The following DNAH8 variants were observed in gnomAD, a reference collection of about 807,000 sequenced individuals.
The protein encoded by DNAH8 is axonemal beta dynein heavy chain 8.
Under a neutral mutation model 562.1 loss-of-function variants are expected in DNAH8, and 382 were observed. The ratio of observed to expected loss-of-function variants is 0.68; its 90% CI spans 0.63 to 0.74. The LOEUF is 0.74. Ranked by LOEUF, DNAH8 falls within the 30% of genes least tolerant of loss-of-function variation. The pLI is 0.00. For missense variants in DNAH8, 5,203 were observed against 5,620.4 expected (o/e 0.93, Z 2.37); for synonymous variants, 1,881 against 1,919.4 (o/e 0.98, Z 0.52).
rs376739633 is a variant in DNAH8 at position 38,859,781 on chromosome 6, T to C, written c.5959-676T>C. Among the ~76,000 whole-genome samples, 11 of 152,346 alleles carry C rather than the reference T, an allele frequency of 7.2e-5. No individual in the cohort carries two copies. The East Asian group carries it at 1.2e-3, about 16-fold the overall frequency. On this transcript the variant is annotated intron_variant, in intron 42 of 92. Transcript: ENST00000327475. Reference sequence around the variant, plus strand: ...TTGTATATGCTGATGACTAGGCAGATTGAGTGGCTTGGCTATAGTGCTGGT... The same window carrying C: ...TTGTATATGCTGATGACTAGGCAGACTGAGTGGCTTGGCTATAGTGCTGGT...
At chr6:38,945,337 A>G in intron 79 of DNAH8, 130 bp from the exon 80 acceptor site, 1 of 970,104 alleles carries the variant, frequency 1.0e-6, no homozygotes. Flanking sequence ...CATTTTCTGT[A>G]ATATTATTAT....
intron 79 of DNAH8, among the ~76,000 whole-genome samples, chr6:38,941,076 T>C (rs1480066945): frequency 1.3e-5 from 2 of 150,852 alleles, no homozygotes; most frequent in Non-Finnish European, 2.9e-5. Context: ...GCAGAGATCA[T>C]GCCACTGCAC....
chr6:38,726,851 G>GTTTTTTTTTTTTTTTTTTTTTTTTT, intron 3 of DNAH8, among the ~76,000 whole-genome samples: 1 of 63,264 alleles, frequency 1.6e-5, no homozygotes, highest in Non-Finnish European at 2.9e-5. Flanking sequence ...GTATTCTTTA[G>GTTTTTTTTTTTTTTTTTTTTTTTTT]TTTTTTTTTT....
At chr6:38,892,157 G>A (rs1779380177) in intron 58 of DNAH8, among the ~76,000 whole-genome samples, 1 of 151,958 alleles carries the variant, frequency 6.6e-6, no homozygotes, top group Admixed American at 6.6e-5. Flanking sequence ...ACACTGAAAT[G>A]CACCTGGTCT....
intron 77 of DNAH8, 35 bp from the exon 78 acceptor site, chr6:38,937,939 C>T: frequency 6.2e-7 from 1 of 1,602,530 alleles, no homozygotes; most frequent in Non-Finnish European, 8.5e-7. Flanking sequence ...AGTTTCCCGT[C>T]TTGTGTACTA....
At chr6:38,738,342 T>C (rs191315006) in intron 7 of DNAH8, among the ~76,000 whole-genome samples, 4 of 152,238 alleles carry the variant, frequency 2.6e-5, no homozygotes, top group Admixed American at 2.0e-4. Flanking sequence ...AATAAGTACC[T>C]CTTGTTCGAT....
At chr6:38,899,995 T>C (rs1033770187) in intron 62 of DNAH8, 89 bp downstream of exon 62, 2 of 1,179,134 alleles carry the variant, frequency 1.7e-6, no homozygotes, top group African/African-American at 3.2e-5. Flanking sequence ...AACAGTTTCC[T>C]GTATTTCTTT....
intron 33 of DNAH8, among the ~76,000 whole-genome samples, chr6:38,838,623 TCTC>T (rs1774509582): frequency 6.7e-6 from 1 of 150,098 alleles, no homozygotes; most frequent in African/African-American, 2.5e-5. Context: ...ATGGTCTCGA[TCTC>T]CTGACCTCGT....
In DNAH8 at chr6:38,785,860, C is replaced by A. The variant is rs578047931; in HGVS notation, c.2396-905C>A. 2.0e-5 allele frequency among the ~76,000 whole-genome samples: 3 copies of A among 152,322 alleles called. No individual in the cohort carries two copies. In the South Asian group the frequency reaches 6.2e-4, roughly 32 times the overall value. ...TGCATCATTAAGGGCCATATCAAGA[C>A]TAATTTTATCTGATGAGTAAAAGTC... On this transcript the variant is annotated intron_variant, in intron 17 of 92. Transcript: ENST00000327475.
chr6:38,888,786 C>T (rs145532187), intron 57 of DNAH8, among the ~76,000 whole-genome samples: 30 of 152,304 alleles, frequency 2.0e-4, no homozygotes, highest in African/African-American at 7.0e-4. Context: ...GCCTGCTGGC[C>T]GTAGTGTCAG....
intron 38 of DNAH8, among the ~76,000 whole-genome samples, chr6:38,850,740 C>A (rs1388106152): frequency 6.6e-6 from 1 of 152,188 alleles, no homozygotes; most frequent in Admixed American, 6.5e-5. Flanking sequence ...AAGAGAGGAT[C>A]CTCCCTTGCC....
chr6:38,739,629 A>T (rs1270453661), intron 7 of DNAH8, among the ~76,000 whole-genome samples: 2 of 152,174 alleles, frequency 1.3e-5, no homozygotes, highest in Non-Finnish European at 1.5e-5. Context: ...GAACGCAGTG[A>T]GACCCAGCCT....
intron 62 of DNAH8, among the ~76,000 whole-genome samples, chr6:38,904,520 C>T (rs978535297): frequency 2.0e-5 from 3 of 151,958 alleles, no homozygotes; most frequent in African/African-American, 4.8e-5. Context: ...GCCGGGCGCC[C>T]TGGCTCACGC....
intron 82 of DNAH8, among the ~76,000 whole-genome samples, chr6:38,968,491 A>G (rs928752500): frequency 6.6e-6 from 1 of 152,212 alleles, no homozygotes; most frequent in Non-Finnish European, 1.5e-5. Context: ...GGATATTTCT[A>G]CAAGGAAGAT....
chr6:38,895,009 A>ACG (rs1779583425), intron 59 of DNAH8, 145 bp downstream of exon 59: 1 of 745,096 alleles, frequency 1.3e-6, no homozygotes, highest in Non-Finnish European at 2.0e-6. Flanking sequence ...GCTGACCACA[A>ACG]CCTCTGCCTC....
intron 18 of DNAH8, 52 bp from the exon 19 acceptor site, chr6:38,789,751 C>G (rs986958563): frequency 1.5e-6 from 2 of 1,343,884 alleles, no homozygotes; most frequent in Non-Finnish European, 2.1e-6. Flanking sequence ...CAAAATGTGA[C>G]TGCTACTTTA....
Position 38,996,576 on chromosome 6 carries a change from T to A in DNAH8, c.13214+6404T>A, listed in dbSNP as rs1044703299. Reference sequence around the variant, plus strand: ...TGACAAGGCTCATCTAGAGCACCCATGATGACTAATCGACACCTCGGGTAC... The same window carrying A: ...TGACAAGGCTCATCTAGAGCACCCAAGATGACTAATCGACACCTCGGGTAC... On this transcript the variant is annotated intron_variant, in intron 88 of 92. Coordinates refer to ENST00000327475, the MANE Select transcript of DNAH8 (RefSeq NM_001206927.2). Among the ~76,000 whole-genome samples the A allele has an allele frequency of 4.6e-5, 7 of 152,198 alleles. No homozygotes were observed. In the South Asian group the frequency reaches 6.2e-4, roughly 14 times the overall value.
chr6:38,857,356 A>T (rs1333262501), intron 41 of DNAH8, among the ~76,000 whole-genome samples, 162 bp from the exon 42 acceptor site: 2 of 152,228 alleles, frequency 1.3e-5, no homozygotes, highest in East Asian at 3.8e-4. Flanking sequence ...AAATAATTAA[A>T]TATTAACGGT....
In DNAH8 at chr6:39,026,659, C is replaced by A. The variant is rs752568525; in HGVS notation, c.13828C>A (p.Pro4610Thr). The A allele has an allele frequency of 1.2e-6, 2 of 1,613,012 alleles. No homozygotes were observed. The highest frequency in any genetic ancestry group is 4.5e-5 in the East Asian group (2 of 44,882). ...LRQTKEEITS[P>T]PGEGVYIYGL... ...ACAGACCAAGGAGGAGATCACGTCA[C>A]CCCCTGGGGTAGGCGTTGCTGGGCA... Residue 4610 changes from proline to threonine, a missense_variant, in exon 92 of 93, where the codon CCC becomes ACC. Pro to Thr is a conservative substitution (Grantham distance 38). This residue lies in a region of DNAH8 where 1,399 missense variants were observed against 1,518.4 expected (regional missense o/e 0.92). Transcript: ENST00000327475.
Sources: gnomAD v4.1 joint callset for allele counts (sites outside exome capture counted in the v4.1 genomes callset) on GRCh38, gnomAD v4.1.1 for gene constraint, gnomAD v4.1.1 regional missense constraint, MANE v1.5 for transcripts, NCBI Gene and HGNC (gene_info 2026-07-23, HGNC 2026-07-21) for gene names.